TMEM132D: variants seen among roughly 807,000 people sequenced by gnomAD.
The protein encoded by TMEM132D is transmembrane protein 132D, also known as mature OL transmembrane protein.
A neutral mutation model predicts 62.3 loss-of-function variants in TMEM132D; 21 were observed. That is an observed-to-expected ratio of 0.34 (90% CI 0.24 to 0.49). The LOEUF (loss-of-function observed/expected upper bound fraction) is 0.49. TMEM132D is among the 20% of genes least tolerant of loss of function. The probability of loss-of-function intolerance (pLI) is 0.99; values close to 1 mark genes in which losing one functional copy is unlikely to be tolerated. For missense variants in TMEM132D, 1,346 were observed against 1,402.8 expected (o/e 0.96, Z 0.65); for synonymous variants, 621 against 575.6 (o/e 1.08, Z -1.13).
chr12:129,827,830 C>G lies in TMEM132D; in HGVS notation c.79+75431G>C, dbSNP rs1872700396. 6.6e-6 allele frequency among the ~76,000 whole-genome samples: 1 copy of G among 152,146 alleles called. No individual in the cohort carries two copies. The highest frequency in any genetic ancestry group is 6.5e-5 in the Admixed American group (1 of 15,268). ...AATGTGAGTATGGAAACTGAGAAAG[C>G]ACAGCCATTAAAAAATAAAATATGT... On this transcript the variant is annotated intron_variant, in intron 1 of 8. Transcript: ENST00000422113. This position sits in a 1 kb window ranked among gnomAD's most constrained non-coding sequence, Gnocchi z 9.7.
At chr12:129,661,524 T>A (rs1411970571) in intron 2 of TMEM132D, among the ~76,000 whole-genome samples, 1 of 152,208 alleles carries the variant, frequency 6.6e-6, no homozygotes. Flanking sequence ...ACCTCCATGT[T>A]ATTAAACTTC....
At chr12:129,605,807 G>A (rs983607985) in intron 2 of TMEM132D, among the ~76,000 whole-genome samples, 3 of 151,810 alleles carry the variant, frequency 2.0e-5, no homozygotes. Flanking sequence ...CAGAGTTGTG[G>A]TTTGCAGTTA....
At chr12:129,437,154 T>G (rs1872808334) in intron 3 of TMEM132D, among the ~76,000 whole-genome samples, 1 of 152,128 alleles carries the variant, frequency 6.6e-6, no homozygotes, top group Admixed American at 6.5e-5. Flanking sequence ...TGTGAGAATT[T>G]GAATCATTTC....
intron 3 of TMEM132D, among the ~76,000 whole-genome samples, chr12:129,461,449 G>A (rs1873666716): frequency 6.6e-6 from 1 of 152,128 alleles, no homozygotes; most frequent in African/African-American, 2.4e-5. Context: ...TTTGTAGAAA[G>A]ATGAAGATGG....
chr12:129,111,391 T>G (rs1875696902), intron 5 of TMEM132D: 1 of 152,194 alleles, frequency 6.6e-6, no homozygotes, highest in South Asian at 2.1e-4. Flanking sequence ...CTGTGGAAAG[T>G]AACCTAGGTT....
chr12:129,609,939 G>A (rs1878725159), intron 2 of TMEM132D, among the ~76,000 whole-genome samples: 1 of 152,194 alleles, frequency 6.6e-6, no homozygotes, highest in Non-Finnish European at 1.5e-5. Flanking sequence ...CATGACAACA[G>A]TGACATCCTC....
chr12:129,525,596 A>G (rs938663655), intron 3 of TMEM132D, among the ~76,000 whole-genome samples: 2 of 152,076 alleles, frequency 1.3e-5, no homozygotes, highest in Admixed American at 6.5e-5. Flanking sequence ...GGTTCTGTTG[A>G]TTATTTCAAA....
At chr12:129,605,477 T>C (rs1288127364) in intron 2 of TMEM132D, among the ~76,000 whole-genome samples, 1 of 151,604 alleles carries the variant, frequency 6.6e-6, no homozygotes, top group Non-Finnish European at 1.5e-5. Flanking sequence ...TTCTCCTGAA[T>C]AGTACTTGAA....
chr12:129,380,539 C>T (rs1190731046), intron 3 of TMEM132D, among the ~76,000 whole-genome samples: 1 of 148,880 alleles, frequency 6.7e-6, no homozygotes, highest in Admixed American at 6.8e-5. Context: ...TTAGATTTCT[C>T]GGTTTTACTT....
intron 1 of TMEM132D, among the ~76,000 whole-genome samples, chr12:129,788,883 G>C (rs1030706604): frequency 6.6e-6 from 1 of 152,112 alleles, no homozygotes; most frequent in South Asian, 2.1e-4. Context: ...GCAGAAGGGA[G>C]TCTGGCATGT....
intron 4 of TMEM132D, among the ~76,000 whole-genome samples, chr12:129,217,933 C>A (rs531575718): frequency 6.6e-6 from 1 of 152,250 alleles, no homozygotes; most frequent in African/African-American, 2.4e-5. Flanking sequence ...TTCTCCTGTG[C>A]ATGAAGCTTG....
intron 4 of TMEM132D, among the ~76,000 whole-genome samples, chr12:129,257,773 T>A (rs1421718348): frequency 6.6e-6 from 1 of 152,128 alleles, no homozygotes; most frequent in African/African-American, 2.4e-5. Context: ...AGGTGTGAGC[T>A]TGACCTACAG....
chr12:129,302,571 G>A (rs529646561), intron 4 of TMEM132D, among the ~76,000 whole-genome samples: 1 of 152,224 alleles, frequency 6.6e-6, no homozygotes, highest in Admixed American at 6.5e-5. Flanking sequence ...GGGTCAGCTG[G>A]GCTTAGAAGG....
At chr12:129,499,887 A>T (rs1162469244) in intron 3 of TMEM132D, among the ~76,000 whole-genome samples, 1 of 152,006 alleles carries the variant, frequency 6.6e-6, no homozygotes, top group Non-Finnish European at 1.5e-5. Flanking sequence ...GCAGGGAGGC[A>T]ATTCACCTGA....
At chr12:129,093,491 CTCT>C (rs777657106) in intron 5 of TMEM132D, among the ~76,000 whole-genome samples, 4 of 152,110 alleles carry the variant, frequency 2.6e-5, no homozygotes, top group Non-Finnish European at 5.9e-5. Context: ...TGTGAAGGAT[CTCT>C]TCAAGGAGAA....
intron 5 of TMEM132D, among the ~76,000 whole-genome samples, chr12:129,132,303 G>C (rs1876398797): frequency 6.6e-6 from 1 of 152,116 alleles, no homozygotes; most frequent in South Asian, 2.1e-4. Flanking sequence ...GAGGAAACAA[G>C]AATATGGTCC....
intron 3 of TMEM132D, among the ~76,000 whole-genome samples, chr12:129,433,091 T>C (rs1301774790): frequency 6.6e-6 from 1 of 152,196 alleles, no homozygotes; most frequent in Non-Finnish European, 1.5e-5. Flanking sequence ...CCATCTAGAT[T>C]CCCATCACTT....
intron 5 of TMEM132D, among the ~76,000 whole-genome samples, chr12:129,131,796 A>G (rs1197202454): frequency 1.3e-5 from 2 of 152,228 alleles, no homozygotes; most frequent in Non-Finnish European, 2.9e-5. Context: ...AAAACCTGTT[A>G]GACCCCAGTA....
intron 4 of TMEM132D, chr12:129,210,236 T>C (rs1878997182): frequency 6.5e-6 from 1 of 153,738 alleles, no homozygotes. Flanking sequence ...TGAAAGAAGC[T>C]TGATGAGCAG....
Sources: allele counts gnomAD v4.1 joint callset (sites outside exome capture counted in the v4.1 genomes callset), GRCh38; gene constraint gnomAD v4.1.1; non-coding constraint Gnocchi (gnomAD v3.1); transcripts MANE v1.5; gene names NCBI Gene and HGNC (gene_info 2026-07-23, HGNC 2026-07-21).